Variants in OXSR1 observed in about 807,000 individuals in gnomAD.
OXSR1 encodes the protein oxidative stress responsive kinase 1, also known as serine/threonine-protein kinase OSR1.
Under a neutral mutation model 79.8 loss-of-function variants are expected in OXSR1, and 24 were observed. That is an observed-to-expected ratio of 0.30 (90% confidence interval 0.22 to 0.42). OXSR1 has a LOEUF of 0.42. Ranked by LOEUF, OXSR1 falls within the 10% of genes least tolerant of loss-of-function variation. The probability of loss-of-function intolerance (pLI) is 1.00; values close to 1 mark genes in which losing one functional copy is unlikely to be tolerated. For synonymous variants in OXSR1, 226 were observed against 209.2 expected, an observed-to-expected ratio of 1.08 and a Z score of -0.69; for missense variants, 430 against 618.4, an observed-to-expected ratio of 0.70 and a Z score of 3.23.
At chr3:38,229,330 T>C (rs1702757894) in intron 8 of OXSR1, among the ~76,000 whole-genome samples, 1 of 151,916 alleles carries the variant, frequency 6.6e-6, no homozygotes, top group African/African-American at 2.4e-5. Flanking sequence ...AAATGTTAGA[T>C]AGATATTTTC....
chr3:38,198,366 A>C (rs1375084694), intron 3 of OXSR1, among the ~76,000 whole-genome samples: 1 of 152,176 alleles, frequency 6.6e-6, no homozygotes, highest in African/African-American at 2.4e-5. Flanking sequence ...TGCATATTCT[A>C]ATCTGATCTT....
rs553774461 is a variant in OXSR1 at position 38,217,173 on chromosome 3, A to G, written c.490+1022A>G. On this transcript the variant is annotated intron_variant, in intron 5 of 17. Transcript: ENST00000311806. The stretch of plus-strand genomic sequence containing the variant: ...ATATAAATGTAGTAAAAGATGTTCA[A>G]GCTTACACTAGTAATTTGTTAAATG... Among the ~76,000 whole-genome samples, 3 of 152,352 alleles carry G rather than the reference A, an allele frequency of 2.0e-5. No homozygotes were observed. The South Asian group carries it at 6.2e-4, about 32-fold the overall frequency.
At chr3:38,199,563 A>C (rs891539771) in intron 4 of OXSR1, among the ~76,000 whole-genome samples, 1 of 152,178 alleles carries the variant, frequency 6.6e-6, no homozygotes, top group Non-Finnish European at 1.5e-5. Flanking sequence ...GAGCATTTTA[A>C]TATTTCATGA....
chr3:38,202,080 A>G (rs568762250), intron 4 of OXSR1, among the ~76,000 whole-genome samples: 14 of 151,972 alleles, frequency 9.2e-5, no homozygotes, highest in African/African-American at 3.2e-4. Flanking sequence ...TAGAGTAGTC[A>G]TAGTAGAGTA....
chr3:38,247,191 TAAGC>T (rs1703158947), intron 13 of OXSR1, among the ~76,000 whole-genome samples: 1 of 152,090 alleles, frequency 6.6e-6, no homozygotes, highest in African/African-American at 2.4e-5. Flanking sequence ...TGTCCTCCCA[TAAGC>T]AAGCGCTGTA....
intron 1 of OXSR1, among the ~76,000 whole-genome samples, chr3:38,180,483 G>A (rs1042032231): frequency 2.6e-4 from 38 of 148,566 alleles, no homozygotes; most frequent in African/African-American, 8.2e-4. Context: ...TTTTAGGCAT[G>A]TGTCCGTATT....
chr3:38,169,880 C>T (rs1030201155), intron 1 of OXSR1, among the ~76,000 whole-genome samples: 10 of 151,880 alleles, frequency 6.6e-5, no homozygotes, highest in Non-Finnish European at 1.3e-4. Context: ...CAGGTACATG[C>T]CACCACGTTT....
chr3:38,218,281 GA>G (rs1337206418), intron 5 of OXSR1, among the ~76,000 whole-genome samples: 1 of 151,666 alleles, frequency 6.6e-6, no homozygotes, highest in Non-Finnish European at 1.5e-5. Flanking sequence ...GAGTGCACAA[GA>G]ATCCAATTTC....
At chr3:38,174,440 G>C (rs1390422373) in intron 1 of OXSR1, among the ~76,000 whole-genome samples, 2 of 151,996 alleles carry the variant, frequency 1.3e-5, no homozygotes, top group African/African-American at 4.8e-5. Context: ...AAATTAGCTG[G>C]GTTTGGTGGT....
intron 3 of OXSR1, among the ~76,000 whole-genome samples, chr3:38,194,108 A>G (rs1485779663): frequency 6.6e-6 from 1 of 152,216 alleles, no homozygotes; most frequent in Admixed American, 6.5e-5. Context: ...GATCTCCAGT[A>G]CATTGGTGAA....
At chr3:38,236,329 C>CA (rs1260562103) in intron 10 of OXSR1, among the ~76,000 whole-genome samples, 2 of 151,972 alleles carry the variant, frequency 1.3e-5, no homozygotes, top group Non-Finnish European at 2.9e-5. Flanking sequence ...GATGAATGTC[C>CA]AAAAAAGATT....
chr3:38,166,783 C>CTT lies in OXSR1; in HGVS notation c.70+838_70+839insTT, dbSNP rs1217397478. On this transcript the variant is annotated intron_variant, in intron 1 of 17. Coordinates refer to ENST00000311806, the MANE Select transcript of OXSR1 (RefSeq NM_005109.3). ...CCAGCCTGGGCGACAAACCCTGACT[C>CTT]TGACTCAAAAAAAAAAAAAAAAAAA... is the stretch of plus-strand genomic sequence containing the variant. Among the ~76,000 whole-genome samples, 3 of 119,754 alleles carry CTT rather than the reference C, an allele frequency of 2.5e-5. No individual in the cohort carries two copies. In the Admixed American group the frequency reaches 2.9e-4, roughly 12 times the overall value. The allele number at this position is 119,754 out of a possible 152,430, so 78.6% of individuals were successfully genotyped here. A position where few individuals can be genotyped will look rare whatever the true frequency, so the allele number is the denominator to read the frequency against.
chr3:38,181,605 C>T (rs554929300), intron 1 of OXSR1, among the ~76,000 whole-genome samples: 4 of 152,260 alleles, frequency 2.6e-5, no homozygotes, highest in Non-Finnish European at 5.9e-5. Flanking sequence ...ATCCGCCTGC[C>T]TCCCAAAGTG....
rs35727333 is a variant in OXSR1 at position 38,166,169 on chromosome 3, T to C, written c.70+223T>C. 9.2e-5 allele frequency among the ~76,000 whole-genome samples: 14 copies of C among 151,398 alleles called. No homozygotes were observed. In the East Asian group the frequency reaches 1.6e-3, roughly 17 times the overall value. On this transcript the variant is annotated intron_variant, in intron 1 of 17. Transcript: ENST00000311806. ...AGGTGGCGTGGGGTGGGGTGAGGCT[T>C]GAGGGGGCTCAGGAGAGATTTGTGT...
At chr3:38,169,209 A>C (rs1188128895) in intron 1 of OXSR1, among the ~76,000 whole-genome samples, 1 of 151,966 alleles carries the variant, frequency 6.6e-6, no homozygotes, top group Non-Finnish European at 1.5e-5. Flanking sequence ...ACATCCTTTC[A>C]TGTCCTTATT....
At chr3:38,186,027 G>A (rs1469691625) in intron 2 of OXSR1, among the ~76,000 whole-genome samples, 1 of 151,430 alleles carries the variant, frequency 6.6e-6, no homozygotes, top group East Asian at 1.9e-4. Context: ...TGAAAATGGA[G>A]GACTTTGTGG....
At position 38,165,827 on chromosome 3, in the gene OXSR1, C is replaced by G. The variant is rs773177824; in HGVS notation, c.-50C>G. ...GGTGGGGAGACGCGCGGCGAGGAGA[C>G]GAGCGAGGTCAGCGAGTTTGAGGGA... On this transcript the variant is annotated 5_prime_UTR_variant, in exon 1 of 18. Transcript: ENST00000311806. 17 of 1,516,728 alleles carry G rather than the reference C, an allele frequency of 1.1e-5. No homozygotes were observed. In the East Asian group the frequency reaches 3.9e-4, roughly 35 times the overall value. 94.0% of individuals were successfully genotyped at this position (1,516,728 alleles called of 1,614,324 possible).
At chr3:38,199,573 A>G (rs1043627250) in intron 4 of OXSR1, among the ~76,000 whole-genome samples, 3 of 152,116 alleles carry the variant, frequency 2.0e-5, no homozygotes, top group Admixed American at 6.5e-5. Context: ...ATATTTCATG[A>G]TCCTATCTAA....
intron 4 of OXSR1, among the ~76,000 whole-genome samples, chr3:38,204,719 C>A (rs1403021864): frequency 6.6e-6 from 1 of 151,586 alleles, no homozygotes; most frequent in Non-Finnish European, 1.5e-5. Flanking sequence ...TCTTCCCTCT[C>A]CTCTCTTCAA....
Sources: allele counts gnomAD v4.1 joint callset (sites outside exome capture counted in the v4.1 genomes callset), GRCh38; gene constraint gnomAD v4.1.1; transcripts MANE v1.5; gene names NCBI Gene and HGNC (gene_info 2026-07-23, HGNC 2026-07-21).